Variants in LPCAT3 observed in about 807,000 individuals in gnomAD.
LPCAT3 encodes lysophospholipid acyltransferase 5.
LPCAT3 carries 21 observed loss-of-function variants against 63.4 expected under a neutral mutation model. That is an observed-to-expected ratio of 0.33 (90% CI 0.23 to 0.48). The LOEUF (loss-of-function observed/expected upper bound fraction) is 0.48, where lower values mean the gene tolerates loss of function less well. Among genes scored for constraint, LPCAT3 ranks in the 20% least tolerant of loss-of-function variants. The probability of loss-of-function intolerance (pLI) is 0.99; values close to 1 mark genes in which losing one functional copy is unlikely to be tolerated. For synonymous variants in LPCAT3, 242 were observed against 227.5 expected, an observed-to-expected ratio of 1.06 and a Z score of -0.58; for missense variants, 451 against 590.6, an observed-to-expected ratio of 0.76 and a Z score of 2.45.
chr12:6,984,968 T>G (rs1555154612), intron 1 of LPCAT3, among the ~76,000 whole-genome samples: 4 of 151,944 alleles, frequency 2.6e-5, no homozygotes, highest in Non-Finnish European at 5.9e-5. Context: ...TGCTTAACTC[T>G]AAAACGCTTA....
chr12:7,002,819 G>C (rs1256968805), intron 1 of LPCAT3, among the ~76,000 whole-genome samples: 1 of 152,102 alleles, frequency 6.6e-6, no homozygotes, highest in Non-Finnish European at 1.5e-5. Flanking sequence ...GACCAGCCTG[G>C]CCAACATGGT....
chr12:7,013,066 G>A (rs1021650350), intron 1 of LPCAT3, among the ~76,000 whole-genome samples: 2 of 152,276 alleles, frequency 1.3e-5, no homozygotes, highest in Middle Eastern at 3.4e-3. Context: ...ATTACAAAGT[G>A]TAATATATAC....
At chr12:6,982,020 T>C in intron 3 of LPCAT3, 116 bp from the exon 4 acceptor site, 1 of 655,378 alleles carries the variant, frequency 1.5e-6, no homozygotes, top group South Asian at 1.8e-5. Context: ...AAAGCCTTAA[T>C]AAATTCCTAC....
intron 1 of LPCAT3, among the ~76,000 whole-genome samples, chr12:7,002,851 A>C (rs1946698312): frequency 6.6e-6 from 1 of 152,156 alleles, no homozygotes; most frequent in Admixed American, 6.5e-5. Context: ...TCTACTAAAA[A>C]TACAAAAGTT....
chr12:6,976,875 A>G lies in LPCAT3; in HGVS notation c.*29T>C. ...AAGGGAGACGAGTAGTTTCTGCACC[A>G]GTCCCGCACAGGCCACCTGCAAGAC... On this transcript the variant is annotated 3_prime_UTR_variant, in exon 13 of 13. Coordinates refer to ENST00000261407, the MANE Select transcript of LPCAT3 (RefSeq NM_005768.6). 2 of 361,024 alleles carry G rather than the reference A, an allele frequency of 5.5e-6. No individual in the cohort carries two copies. Among genetic ancestry groups the G allele is most frequent in the South Asian group, 3.9e-5 (1 of 25,336 alleles). 22.4% of individuals were successfully genotyped at this position (361,024 alleles called of 1,614,324 possible). A position where few individuals can be genotyped will look rare whatever the true frequency, so the allele number is the denominator to read the frequency against.
chr12:6,980,954 AGAGT>A, intron 6 of LPCAT3, 46 bp downstream of exon 6: 1 of 1,497,322 alleles, frequency 6.7e-7, no homozygotes, highest in Non-Finnish European at 9.0e-7. Flanking sequence ...GAGTCACTTC[AGAGT>A]GAGTGAAATA....
chr12:6,995,671 G>A (rs988043490), intron 1 of LPCAT3, among the ~76,000 whole-genome samples: 26 of 151,852 alleles, frequency 1.7e-4, no homozygotes, highest in Non-Finnish European at 3.7e-4. Context: ...CCTCCTACCT[G>A]ATCTCTGCCT....
chr12:7,018,360 C>A lies in LPCAT3; in HGVS notation c.65G>T (p.Gly22Val). The change falls in exon 1 of 13, where the codon GGT becomes GTT. Residue 22 changes from glycine (G) to valine (V), a missense_variant. Physicochemically the swap from Gly to Val is moderately radical, Grantham distance 109 (BLOSUM62 -3). Coordinates refer to ENST00000261407, the MANE Select transcript of LPCAT3 (RefSeq NM_005768.6). The surrounding 1 kb of genome is among the most constrained non-coding windows in gnomAD (Gnocchi z 4.9). ...CTTGTTAAGGCTCAGCTCCTGGAAACCCGACTGCAGAACCCCCGCCAGCGC... is the reference window on the plus strand; with the variant it reads ...CTTGTTAAGGCTCAGCTCCTGGAAAACCGACTGCAGAACCCCCGCCAGCGC... ...VVALAGVLQSGFQELSLNKLA... is the reference protein window; with the variant it reads ...VVALAGVLQSVFQELSLNKLA... 4 of 1,612,534 alleles carry A rather than the reference C, an allele frequency of 2.5e-6. No homozygotes were observed. Among genetic ancestry groups the A allele is most frequent in the Non-Finnish European group, 3.4e-6 (4 of 1,179,440 alleles).
intron 3 of LPCAT3, among the ~76,000 whole-genome samples, chr12:6,982,125 G>C (rs1447789180): frequency 6.6e-6 from 1 of 152,134 alleles, no homozygotes; most frequent in East Asian, 1.9e-4. Context: ...TAGATGCTGG[G>C]ACCACAGGTG....
chr12:7,016,523 C>A (rs995403656), intron 1 of LPCAT3, among the ~76,000 whole-genome samples: 2 of 152,114 alleles, frequency 1.3e-5, no homozygotes, highest in African/African-American at 2.4e-5. Flanking sequence ...GCGATCTGCC[C>A]ACCTTGGCCT....
intron 1 of LPCAT3, among the ~76,000 whole-genome samples, chr12:6,984,349 C>G (rs1946501370): frequency 6.6e-6 from 1 of 152,186 alleles, no homozygotes; most frequent in African/African-American, 2.4e-5. Flanking sequence ...TAAAAACGGT[C>G]AATAAAATTT....
At chr12:6,982,553 C>T in intron 3 of LPCAT3, 123 bp downstream of exon 3, 1 of 690,482 alleles carries the variant, frequency 1.4e-6, no homozygotes, top group South Asian at 1.8e-5. Flanking sequence ...AGTCATACTG[C>T]TAAGTGCTGG....
intron 1 of LPCAT3, among the ~76,000 whole-genome samples, chr12:6,992,557 A>T (rs1946599223): frequency 6.6e-6 from 1 of 152,204 alleles, no homozygotes; most frequent in Non-Finnish European, 1.5e-5. Context: ...CATGAAAATA[A>T]TTTTTACCCC....
chr12:7,005,224 T>A (rs1318067611), intron 1 of LPCAT3, among the ~76,000 whole-genome samples: 1 of 152,242 alleles, frequency 6.6e-6, no homozygotes, highest in Non-Finnish European at 1.5e-5. Context: ...TTGTTTCATG[T>A]CACAATTTTT....
intron 1 of LPCAT3, among the ~76,000 whole-genome samples, chr12:7,010,074 CAGA>C (rs1946751558): frequency 6.6e-6 from 1 of 152,106 alleles, no homozygotes; most frequent in African/African-American, 2.4e-5. Flanking sequence ...GAACCTAGGC[CAGA>C]AGATCTCTAA....
At chr12:6,993,526 T>C (rs782115501) in intron 1 of LPCAT3, among the ~76,000 whole-genome samples, 3 of 152,204 alleles carry the variant, frequency 2.0e-5, no homozygotes, top group Non-Finnish European at 4.4e-5. Flanking sequence ...CCATACATGT[T>C]GGCAGTCATT....
chr12:6,996,265 G>A (rs1351010599), intron 1 of LPCAT3, among the ~76,000 whole-genome samples: 1 of 152,188 alleles, frequency 6.6e-6, no homozygotes, highest in Non-Finnish European at 1.5e-5. Flanking sequence ...GCACAGATAA[G>A]CTCAAATCCT....
At chr12:6,979,405 G>T in intron 7 of LPCAT3, 66 bp downstream of exon 7, 1 of 1,190,732 alleles carries the variant, frequency 8.4e-7, no homozygotes, top group Non-Finnish European at 1.3e-6. Context: ...TATCTGTAGG[G>T]ATCCTTGCCT....
chr12:7,016,183 T>A (rs1946796363), intron 1 of LPCAT3, among the ~76,000 whole-genome samples: 1 of 151,466 alleles, frequency 6.6e-6, no homozygotes, highest in African/African-American at 2.4e-5. Context: ...AGCCTCAAAC[T>A]TCCAGGCCCA....
Sources: gnomAD v4.1 joint callset for allele counts (sites outside exome capture counted in the v4.1 genomes callset) on GRCh38, gnomAD v4.1.1 for gene constraint, Gnocchi (gnomAD v3.1) non-coding constraint, MANE v1.5 for transcripts, NCBI Gene and HGNC (gene_info 2026-07-23, HGNC 2026-07-21) for gene names.